The following CRTAC1 variants were observed in gnomAD, a reference collection of about 807,000 sequenced individuals.
The protein encoded by CRTAC1 is acidic secreted protein in cartilage.
Under a neutral mutation model 67.8 loss-of-function variants are expected in CRTAC1, and 37 were observed. The observed-to-expected ratio is 0.55, with a 90% CI of 0.42 to 0.72. CRTAC1 has a LOEUF of 0.72. CRTAC1 is among the 30% of genes least tolerant of loss of function. The pLI is 0.00. For missense variants in CRTAC1, 780 were observed against 931.6 expected (o/e 0.84, Z 2.12); for synonymous variants, 348 against 371.0 (o/e 0.94, Z 0.71).
chr10:97,971,485 C>T (rs1246148297), intron 2 of CRTAC1, among the ~76,000 whole-genome samples: 3 of 152,208 alleles, frequency 2.0e-5, no homozygotes, highest in Non-Finnish European at 4.4e-5. Flanking sequence ...TGAATGGTGG[C>T]TGCCAGGGGC....
At chr10:97,989,391 TCTTA>T (rs1209502534) in intron 2 of CRTAC1, among the ~76,000 whole-genome samples, 1 of 152,210 alleles carries the variant, frequency 6.6e-6, no homozygotes, top group African/African-American at 2.4e-5. Flanking sequence ...ACAAACCTAG[TCTTA>T]CTTACACAAA....
At position 98,007,848 on chromosome 10, in the gene CRTAC1, C is replaced by T. The variant is rs1842823173; in HGVS notation, c.224+3290G>A. The stretch of plus-strand genomic sequence containing the variant: ...TCTAGCTTCACTAGCACAGAGGACA[C>T]AAAGGCACATTTCTTGAAAGAGAAA... On this transcript the variant is annotated intron_variant, in intron 2 of 14. Coordinates refer to ENST00000370597, the MANE Select transcript of CRTAC1 (RefSeq NM_018058.7). Among the ~76,000 whole-genome samples, 3 of 152,158 alleles carry T rather than the reference C, an allele frequency of 2.0e-5. No individual in the cohort carries two copies. In the South Asian group the frequency reaches 6.2e-4, roughly 32 times the overall value.
At position 97,892,485 on chromosome 10, in the gene CRTAC1, A is replaced by G. The variant is rs1192904964; in HGVS notation, c.1486+2760T>C. The stretch of plus-strand genomic sequence containing the variant: ...GCAGCTACCAGAGGTGTTAAGCCAC[A>G]GTCAGGAACTCAGACCGTGGCGTCA... On this transcript the variant is annotated intron_variant, in intron 11 of 14. Coordinates refer to ENST00000370597, the MANE Select transcript of CRTAC1 (RefSeq NM_018058.7). 3.3e-5 allele frequency among the ~76,000 whole-genome samples: 5 copies of G among 152,242 alleles called. No homozygotes were observed. The South Asian group carries it at 8.3e-4, about 25-fold the overall frequency.
chr10:97,888,173 G>C (rs138734905), intron 11 of CRTAC1, among the ~76,000 whole-genome samples: 2 of 152,306 alleles, frequency 1.3e-5, no homozygotes, highest in Non-Finnish European at 2.9e-5. Context: ...GGATTCAACA[G>C]AGAATGAGAC....
At chr10:98,016,942 G>A (rs1402857034) in intron 1 of CRTAC1, among the ~76,000 whole-genome samples, 1 of 152,128 alleles carries the variant, frequency 6.6e-6, no homozygotes, top group Non-Finnish European at 1.5e-5. Context: ...AAACAGAAGA[G>A]CAGCTGGCAC....
intron 2 of CRTAC1, among the ~76,000 whole-genome samples, chr10:97,954,251 TTG>T (rs2051405167): frequency 6.6e-6 from 1 of 152,110 alleles, no homozygotes; most frequent in African/African-American, 2.4e-5. Flanking sequence ...GGAGGCATGA[TTG>T]CTTATCTTGA....
At chr10:97,961,786 G>A (rs1167727373) in intron 2 of CRTAC1, among the ~76,000 whole-genome samples, 1 of 152,204 alleles carries the variant, frequency 6.6e-6, no homozygotes, top group Admixed American at 6.5e-5. Context: ...TAAAGCCCCA[G>A]TAGTCTGGGA....
chr10:97,929,870 T>A (rs1204777285), intron 3 of CRTAC1, among the ~76,000 whole-genome samples: 1 of 152,222 alleles, frequency 6.6e-6, no homozygotes, highest in Non-Finnish European at 1.5e-5. Flanking sequence ...AAAGGCTTTA[T>A]AAGACTTCGT....
intron 3 of CRTAC1, among the ~76,000 whole-genome samples, chr10:97,935,821 G>T (rs1446828863): frequency 1.3e-5 from 2 of 152,178 alleles, no homozygotes; most frequent in African/African-American, 4.8e-5. Flanking sequence ...TGAGAGTGAT[G>T]CATGCTTGAG....
intron 3 of CRTAC1, among the ~76,000 whole-genome samples, chr10:97,923,686 G>A (rs774263797): frequency 7.2e-5 from 11 of 152,156 alleles, no homozygotes; most frequent in Non-Finnish European, 1.2e-4. Flanking sequence ...ATGACCCTCA[G>A]CAGCTGGATT....
intron 6 of CRTAC1, among the ~76,000 whole-genome samples, chr10:97,906,253 A>C (rs1287463536): frequency 6.6e-6 from 1 of 152,142 alleles, no homozygotes; most frequent in Non-Finnish European, 1.5e-5. Flanking sequence ...CCCTAGGATT[A>C]ATACTCCATT....
chr10:98,022,846 G>A (rs1296827526), intron 1 of CRTAC1, among the ~76,000 whole-genome samples: 1 of 152,138 alleles, frequency 6.6e-6, no homozygotes, highest in Non-Finnish European at 1.5e-5. Context: ...TGAAGAGTGA[G>A]TGAGAGTATC....
chr10:98,026,951 G>A (rs1057004231), intron 1 of CRTAC1, among the ~76,000 whole-genome samples: 2 of 152,074 alleles, frequency 1.3e-5, no homozygotes. Context: ...AGGCCGAGGC[G>A]GGCAGATCAC....
At chr10:97,872,215 G>A (rs488824) in intron 14 of CRTAC1, among the ~76,000 whole-genome samples, 15,999 of 151,224 alleles carry the variant, frequency 0.11, 1,518 homozygotes, top group African/African-American at 0.25. Flanking sequence ...GGAAGAGGCA[G>A]GCCTATACAG....
chr10:98,015,702 T>C (rs1842984461), intron 1 of CRTAC1, among the ~76,000 whole-genome samples: 1 of 152,250 alleles, frequency 6.6e-6, no homozygotes, highest in African/African-American at 2.4e-5. Context: ...AGCAGTGCTC[T>C]ATATCAGTGC....
At position 97,882,858 on chromosome 10, in the gene CRTAC1, G is replaced by A. The variant is rs187228915; in HGVS notation, c.1633-30C>T. The A allele has an allele frequency of 2.4e-4, 392 of 1,613,356 alleles. 3 individuals are homozygous for A. In the East Asian group the frequency reaches 8.2e-3, roughly 34 times the overall value. On this transcript the variant is annotated intron_variant, in intron 12 of 14. Coordinates refer to ENST00000370597, the MANE Select transcript of CRTAC1 (RefSeq NM_018058.7). Reference sequence around the variant, plus strand: ...AAGGTGGGCAGAAGCAGAGACATGAGTGAGTTGAGAAGGTCCCATCCCAGG... The same window carrying A: ...AAGGTGGGCAGAAGCAGAGACATGAATGAGTTGAGAAGGTCCCATCCCAGG...
intron 2 of CRTAC1, among the ~76,000 whole-genome samples, chr10:98,001,620 A>T (rs1842689974): frequency 4.6e-5 from 7 of 152,196 alleles, no homozygotes; most frequent in Admixed American, 4.6e-4. Context: ...GGTTAAAAAG[A>T]GATGTCAGTA....
intron 4 of CRTAC1, among the ~76,000 whole-genome samples, chr10:97,919,156 T>TGGTGGGTGA (rs1420313821): frequency 5.9e-5 from 9 of 152,148 alleles, no homozygotes; most frequent in Non-Finnish European, 8.8e-5. Context: ...TCTGTCTGAC[T>TGGTGGGTGA]GGTGGGTGAG....
At chr10:97,987,749 T>C (rs2052006276) in intron 2 of CRTAC1, among the ~76,000 whole-genome samples, 1 of 152,254 alleles carries the variant, frequency 6.6e-6, no homozygotes, top group Admixed American at 6.5e-5. Flanking sequence ...TCCCTGTGTC[T>C]CTAGCGCTGA....
Sources: allele counts gnomAD v4.1 joint callset (sites outside exome capture counted in the v4.1 genomes callset), GRCh38; gene constraint gnomAD v4.1.1; transcripts MANE v1.5; gene names NCBI Gene and HGNC (gene_info 2026-07-23, HGNC 2026-07-21).